Variants in KIF15 observed in about 807,000 individuals in gnomAD.
KIF15 encodes kinesin-like protein KIF15.
KIF15 carries 140 observed loss-of-function variants against 190.6 expected under a neutral mutation model. That is an observed-to-expected ratio of 0.73 (90% CI 0.64 to 0.84). The LOEUF is 0.84. Among genes scored for constraint, KIF15 ranks in the 40% least tolerant of loss-of-function variants. KIF15 has a pLI of 0.00. For missense variants in KIF15, 1,372 were observed against 1,584.4 expected (o/e 0.87, Z 2.28); for synonymous variants, 528 against 551.3 (o/e 0.96, Z 0.59).
intron 29 of KIF15, among the ~76,000 whole-genome samples, chr3:44,842,345 A>ACCC (rs1478623582): frequency 1.1e-4 from 17 of 152,104 alleles, no homozygotes; most frequent in Admixed American, 2.0e-4. Context: ...GGGCACATGG[A>ACCC]AGAGTGTCTG....
intron 32 of KIF15, 150 bp downstream of exon 32, chr3:44,848,708 T>C: frequency 2.4e-6 from 1 of 415,380 alleles, no homozygotes; most frequent in Non-Finnish European, 4.4e-6. Context: ...TTAAATACCA[T>C]TTGCTAAAAG....
Position 44,841,080 on chromosome 3 carries a change from A to G in KIF15, c.3427A>G (p.Lys1143Glu). Residue 1143 changes from lysine (K) to glutamate (E), a missense_variant, in exon 29 of 35, where the codon AAG (lysine) becomes GAG (glutamate). Physicochemically the swap from Lys to Glu is moderately conservative, Grantham distance 56 (BLOSUM62 1). Coordinates refer to ENST00000326047, the MANE Select transcript of KIF15 (RefSeq NM_020242.3). Reference protein sequence around the residue: ...DSAAEDPQSPKTPPHFQTHLA... With the variant: ...DSAAEDPQSPETPPHFQTHLA... ...AGATGTGATTTTATTTTAGAGTCCT[A>G]AGACACCACCTCACTTTCAAACACA... is the stretch of plus-strand genomic sequence containing the variant. 1 of 1,611,128 alleles carries G rather than the reference A, an allele frequency of 6.2e-7. No individual in the cohort carries two copies. Among genetic ancestry groups the G allele is most frequent in the Non-Finnish European group, 8.5e-7 (1 of 1,178,556 alleles).
intron 19 of KIF15, among the ~76,000 whole-genome samples, chr3:44,814,438 T>C (rs939708605): frequency 2.0e-5 from 3 of 152,064 alleles, no homozygotes; most frequent in Non-Finnish European, 4.4e-5. Context: ...GCCTCCTGAG[T>C]AGATGGGACC....
At chr3:44,835,830 C>A (rs1315406891) in intron 26 of KIF15, among the ~76,000 whole-genome samples, 1 of 152,072 alleles carries the variant, frequency 6.6e-6, no homozygotes, top group Non-Finnish European at 1.5e-5. Flanking sequence ...AATTGTCTGA[C>A]CAATTTGAAA....
At chr3:44,851,730 A>T in intron 32 of KIF15, 57 bp from the exon 33 acceptor site, 2 of 1,428,470 alleles carry the variant, frequency 1.4e-6, no homozygotes, top group South Asian at 2.6e-5. Flanking sequence ...TAACTTGAGC[A>T]CTGTTTTATG....
intron 7 of KIF15, among the ~76,000 whole-genome samples, chr3:44,790,847 C>T (rs1005243309): frequency 1.3e-5 from 2 of 152,038 alleles, no homozygotes; most frequent in African/African-American, 4.8e-5. Flanking sequence ...CATGCGCCAC[C>T]ACGCCCTGTT....
chr3:44,768,959 T>A (rs1374089163), intron 1 of KIF15, among the ~76,000 whole-genome samples: 1 of 152,104 alleles, frequency 6.6e-6, no homozygotes, highest in Non-Finnish European at 1.5e-5. Context: ...CCCGAGGCCT[T>A]TTACTGGTTT....
intron 20 of KIF15, among the ~76,000 whole-genome samples, chr3:44,816,617 A>G (rs1413622025): frequency 2.6e-5 from 4 of 151,942 alleles, no homozygotes; most frequent in African/African-American, 7.3e-5. Context: ...TATGTGCCAC[A>G]TTTTCTTAAT....
chr3:44,782,481 C>T (rs1706217276), intron 5 of KIF15, among the ~76,000 whole-genome samples: 1 of 152,240 alleles, frequency 6.6e-6, no homozygotes, highest in Admixed American at 6.5e-5. Flanking sequence ...GTATGCCCAG[C>T]ACTCTTCAAG....
At chr3:44,821,151 G>A (rs1347761053) in intron 20 of KIF15, among the ~76,000 whole-genome samples, 12 of 140,544 alleles carry the variant, frequency 8.5e-5, no homozygotes, top group South Asian at 2.4e-4. Context: ...CCTCCCTCCC[G>A]GACGGGGCAG....
intron 20 of KIF15, among the ~76,000 whole-genome samples, chr3:44,824,842 C>T (rs1697556838): frequency 6.6e-6 from 1 of 152,210 alleles, no homozygotes; most frequent in Non-Finnish European, 1.5e-5. Flanking sequence ...TTACTGCAGC[C>T]TCAATATCCC....
At chr3:44,863,433 G>A (rs918870326) in intron 6 of KIF15, 1 of 149,942 alleles carries the variant, frequency 6.7e-6, no homozygotes, top group African/African-American at 2.5e-5. Context: ...TAAAAAAAAA[G>A]AAAGAAAATA....
chr3:44,859,062 GCACAGTTGGGA>G (rs553615871), intron 6 of KIF15, among the ~76,000 whole-genome samples: 214 of 152,310 alleles, frequency 1.4e-3, no homozygotes, highest in African/African-American at 4.9e-3. Flanking sequence ...GTGGGGTCCC[GCACAGTTGGGA>G]CACGGCTTAG....
chr3:44,788,624 T>G (rs1706525157), intron 7 of KIF15, among the ~76,000 whole-genome samples: 5 of 152,054 alleles, frequency 3.3e-5, no homozygotes, highest in African/African-American at 1.2e-4. Context: ...CTGGCTGATT[T>G]TTGAATGTTT....
In KIF15 at chr3:44,838,399, T is replaced by A; in HGVS notation, c.3296T>A (p.Leu1099Gln). The change falls in exon 27 of 35, where the codon CTG becomes CAG. Residue 1099 changes from leucine to glutamine, a missense_variant. Leu to Gln is a moderately radical substitution (Grantham distance 113, BLOSUM62 -2). Coordinates refer to ENST00000326047, the MANE Select transcript of KIF15 (RefSeq NM_020242.3). ...AQEELTKKEA[L>Q]IQELQHKLNQ... ...GAAGAACTGACCAAGAAGGAAGCCC[T>A]GATTCAGGAACTTCAGCACAAGGTG... The A allele has an allele frequency of 1.2e-6, 2 of 1,613,168 alleles. No individual in the cohort carries two copies. The highest frequency in any genetic ancestry group is 8.5e-7 in the Non-Finnish European group (1 of 1,179,678).
rs772173884 is a variant in KIF15 at position 44,794,426 on chromosome 3, G to C, written c.849G>C (p.Lys283Asn). The change falls in exon 8 of 35, where the codon AAG becomes AAC. Residue 283 changes from lysine to asparagine, a missense_variant and splice_region_variant. Transcript: ENST00000326047. Reference protein sequence around the residue: ...KDTHAEGMRLKEAGNINRSLS... With the variant: ...KDTHAEGMRLNEAGNINRSLS... ...CCCATGCAGAAGGGATGAGATTGAA[G>C]GTAAGAATGAAATTATGGTCTTCAA... The C allele has an allele frequency of 6.3e-7, 1 of 1,579,956 alleles. No individual in the cohort carries two copies. Among genetic ancestry groups the C allele is most frequent in the South Asian group, 1.2e-5 (1 of 86,054 alleles).
In KIF15 at chr3:44,815,844, G is replaced by A. The variant is rs556548271; in HGVS notation, c.2549+768G>A. ...TAATAATGGACATGAATGTTACACT[G>A]TGAATGTGATGTGAATGTAACTGTT... On this transcript the variant is annotated intron_variant, in intron 20 of 34. Coordinates refer to ENST00000326047, the MANE Select transcript of KIF15 (RefSeq NM_020242.3). Among the ~76,000 whole-genome samples the A allele has an allele frequency of 4.3e-4, 65 of 152,228 alleles. 1 individual carries two copies. Among genetic ancestry groups the A allele is most frequent in the African/African-American group, 1.5e-3 (62 of 41,550 alleles).
At chr3:44,811,959 C>T (rs564420262) in intron 17 of KIF15, among the ~76,000 whole-genome samples, 99 of 152,260 alleles carry the variant, frequency 6.5e-4, no homozygotes, top group Non-Finnish European at 1.2e-3. Flanking sequence ...AAAGTGTCTA[C>T]TTTAATGGAC....
chr3:44,812,226 TA>T lies in KIF15; in HGVS notation c.2219del (p.Asn740ThrfsTer2). On this transcript the variant is annotated frameshift_variant, in exon 18 of 35. Transcript: ENST00000326047. LOFTEE classifies it high-confidence loss of function. The part of the protein sequence containing the change: ...LQAKLDEEEH[K>X]NLKLQQHVDK... ...AAGCCAAACTGGATGAAGAAGAGCA[TA>T]AAAACCTAAAGCTTCAGCAGCATGT... 10 of 1,613,978 alleles carry T rather than the reference TA, an allele frequency of 6.2e-6. No homozygotes were observed. The highest frequency in any genetic ancestry group is 8.5e-6 in the Non-Finnish European group (10 of 1,179,970).
Sources: gnomAD v4.1 joint callset for allele counts (sites outside exome capture counted in the v4.1 genomes callset) on GRCh38, gnomAD v4.1.1 for gene constraint, MANE v1.5 for transcripts, NCBI Gene and HGNC (gene_info 2026-07-23, HGNC 2026-07-21) for gene names.